The following F13A1 variants were observed in gnomAD, a reference collection of about 807,000 sequenced individuals.
The protein encoded by F13A1 is FSF, A subunit.
A neutral mutation model predicts 80.1 loss-of-function variants in F13A1; 47 were observed. The observed-to-expected ratio is 0.59, with a 90% confidence interval of 0.46 to 0.75. The LOEUF (loss-of-function observed/expected upper bound fraction) is 0.75, where lower values mean the gene tolerates loss of function less well. F13A1 is among the 30% of genes least tolerant of loss of function. The pLI is 0.00. For synonymous variants in F13A1, 349 were observed against 344.9 expected, an observed-to-expected ratio of 1.01 and a Z score of -0.13; for missense variants, 817 against 930.4, an observed-to-expected ratio of 0.88 and a Z score of 1.59.
chr6:6,264,817 C>T (rs1757821656), intron 4 of F13A1, among the ~76,000 whole-genome samples: 1 of 152,206 alleles, frequency 6.6e-6, no homozygotes, highest in African/African-American at 2.4e-5. Flanking sequence ...ATTTTTTGAA[C>T]TGCACATGGC....
chr6:6,234,820 CAATTT>C (rs913642764), intron 6 of F13A1, among the ~76,000 whole-genome samples: 6 of 151,822 alleles, frequency 4.0e-5, no homozygotes, highest in African/African-American at 1.4e-4. Flanking sequence ...TCTTCTGTTG[CAATTT>C]AATTTCTTTC....
intron 3 of F13A1, among the ~76,000 whole-genome samples, chr6:6,297,086 A>G (rs1483008025): frequency 1.4e-5 from 2 of 147,322 alleles, no homozygotes; most frequent in Non-Finnish European, 3.0e-5. Context: ...CTTGCATCCC[A>G]GGGATGAAGC....
At chr6:6,211,425 A>T (rs1345261510) in intron 8 of F13A1, among the ~76,000 whole-genome samples, 1 of 152,260 alleles carries the variant, frequency 6.6e-6, no homozygotes, top group East Asian at 1.9e-4. Flanking sequence ...ATCTCTGATA[A>T]CTGTCCAGAA....
rs189853694 is a variant in F13A1 at position 6,314,117 on chromosome 6, G to A, written c.130+4418C>T. Among the ~76,000 whole-genome samples, 253 of 151,734 alleles carry A rather than the reference G, an allele frequency of 1.7e-3. 1 individual carries two copies. The highest frequency in any genetic ancestry group is 3.4e-3 in the Middle Eastern group (1 of 294). On this transcript the variant is annotated intron_variant, in intron 2 of 14. Transcript: ENST00000264870. ...CTGCCTCAGCCTCCCGAGTAGCTGGGATTACAGGCGCCAACCACCACCCCA... is the reference window on the plus strand; with the variant it reads ...CTGCCTCAGCCTCCCGAGTAGCTGGAATTACAGGCGCCAACCACCACCCCA...
chr6:6,159,134 C>T (rs999713197), intron 13 of F13A1, among the ~76,000 whole-genome samples: 5 of 152,068 alleles, frequency 3.3e-5, no homozygotes, highest in African/African-American at 1.2e-4. Flanking sequence ...ATCTCCTGAC[C>T]TCGTGATCCA....
chr6:6,256,654 A>T (rs1223009058), intron 4 of F13A1, among the ~76,000 whole-genome samples: 1 of 152,176 alleles, frequency 6.6e-6, no homozygotes, highest in African/African-American at 2.4e-5. Flanking sequence ...GGTGGATTTC[A>T]GTCACCCTCT....
rs937083612 is a variant in F13A1 at position 6,243,648 on chromosome 6, A to G, written c.798+4664T>C. On this transcript the variant is annotated intron_variant, in intron 6 of 14. Transcript: ENST00000264870. The surrounding 1 kb of genome is among the most constrained non-coding windows in gnomAD (Gnocchi z 4.2). ...GTAATATGATCTGAGAGTAAGGACC[A>G]TATCTGGTTTCAGCTCAGCCACTTA... Among the ~76,000 whole-genome samples, 1 of 152,176 alleles carries G rather than the reference A, an allele frequency of 6.6e-6. No homozygotes were observed. Among genetic ancestry groups the G allele is most frequent in the African/African-American group, 2.4e-5 (1 of 41,438 alleles).
chr6:6,295,520 T>C (rs1355762674), intron 3 of F13A1, among the ~76,000 whole-genome samples: 2 of 147,096 alleles, frequency 1.4e-5, no homozygotes, highest in African/African-American at 2.7e-5. Context: ...TTTTCATGTG[T>C]TTTTTGGCTG....
At chr6:6,227,361 A>C (rs1757290975) in intron 6 of F13A1, among the ~76,000 whole-genome samples, 1 of 152,238 alleles carries the variant, frequency 6.6e-6, no homozygotes, top group African/African-American at 2.4e-5. Context: ...GTAGGAAAAA[A>C]TGAACTCTTT....
At chr6:6,154,143 CAAAAAA>C (rs5874019) in intron 13 of F13A1, among the ~76,000 whole-genome samples, 5 of 124,994 alleles carry the variant, frequency 4.0e-5, no homozygotes, top group Admixed American at 8.0e-5. Context: ...TACTGACGTC[CAAAAAA>C]AAAAAAAAAA....
At chr6:6,300,972 A>G (rs1171841546) in intron 3 of F13A1, among the ~76,000 whole-genome samples, 1 of 152,050 alleles carries the variant, frequency 6.6e-6, no homozygotes, top group Non-Finnish European at 1.5e-5. Context: ...AATAGAAATT[A>G]TATTCTTTTT....
At chr6:6,267,436 A>C (rs1757860412) in intron 3 of F13A1, among the ~76,000 whole-genome samples, 5 of 152,190 alleles carry the variant, frequency 3.3e-5, no homozygotes, top group Admixed American at 3.3e-4. Flanking sequence ...CTGCATAAGC[A>C]TGTTTGTTCC....
intron 8 of F13A1, among the ~76,000 whole-genome samples, chr6:6,219,538 AGG>A (rs757986270): frequency 1.3e-5 from 2 of 152,226 alleles, no homozygotes; most frequent in Non-Finnish European, 2.9e-5. Context: ...AAGCTCAGAG[AGG>A]TGAAGTCATT....
intron 2 of F13A1, among the ~76,000 whole-genome samples, chr6:6,316,335 T>A (rs1212097399): frequency 6.6e-6 from 1 of 151,470 alleles, no homozygotes; most frequent in African/African-American, 2.4e-5. Flanking sequence ...AATTCACAAG[T>A]GATTGACTGT....
At chr6:6,259,960 G>A (rs899583395) in intron 4 of F13A1, among the ~76,000 whole-genome samples, 1 of 152,132 alleles carries the variant, frequency 6.6e-6, no homozygotes, top group Non-Finnish European at 1.5e-5. Context: ...TACCAAACTG[G>A]AACATTCTAT....
At chr6:6,234,473 C>T (rs191245311) in intron 6 of F13A1, among the ~76,000 whole-genome samples, 1 of 152,082 alleles carries the variant, frequency 6.6e-6, no homozygotes, top group East Asian at 1.9e-4. Flanking sequence ...GGAACAGAGA[C>T]TCTGTGATAA....
intron 4 of F13A1, among the ~76,000 whole-genome samples, chr6:6,253,365 GTGTTAGCAGAAGCAA>G (rs1265708739): frequency 5.9e-5 from 9 of 152,280 alleles, no homozygotes; most frequent in Admixed American, 3.3e-4. Flanking sequence ...GGCTAATGGG[GTGTTAGCAGAAGCAA>G]TGTTAGCAGA....
At chr6:6,318,448 A>G in intron 2 of F13A1, 87 bp downstream of exon 2, 2 of 1,478,840 alleles carry the variant, frequency 1.4e-6, no homozygotes, top group Non-Finnish European at 1.8e-6. Context: ...CCCAGTGGAG[A>G]CAGAGGATGT....
intron 7 of F13A1, among the ~76,000 whole-genome samples, chr6:6,223,653 T>C (rs1389683402): frequency 6.6e-6 from 1 of 152,086 alleles, no homozygotes; most frequent in Non-Finnish European, 1.5e-5. Context: ...TTTGATACTA[T>C]GGGAAAATAA....
Sources: allele counts gnomAD v4.1 joint callset (sites outside exome capture counted in the v4.1 genomes callset), GRCh38; gene constraint gnomAD v4.1.1; non-coding constraint Gnocchi (gnomAD v3.1); transcripts MANE v1.5; gene names NCBI Gene and HGNC (gene_info 2026-07-23, HGNC 2026-07-21).